Variants in EFNA5 observed in about 807,000 individuals in gnomAD.
The protein encoded by EFNA5 is ephrin A5, also known as ephrin-A5.
A neutral mutation model predicts 22.9 loss-of-function variants in EFNA5; 5 were observed. That is an observed-to-expected ratio of 0.22 (90% CI 0.11 to 0.46). The LOEUF (loss-of-function observed/expected upper bound fraction) is 0.46, where lower values mean the gene tolerates loss of function less well. Ranked by LOEUF, EFNA5 falls within the 20% of genes least tolerant of loss-of-function variation. The pLI is 0.99. For synonymous variants in EFNA5, 113 were observed against 112.2 expected, an observed-to-expected ratio of 1.01 and a Z score of -0.04; for missense variants, 237 against 293.3, an observed-to-expected ratio of 0.81 and a Z score of 1.40.
At chr5:107,396,107 T>C (rs1216822761) in intron 2 of EFNA5, among the ~76,000 whole-genome samples, 1 of 152,226 alleles carries the variant, frequency 6.6e-6, no homozygotes, top group Non-Finnish European at 1.5e-5. Context: ...ATCAAGTTAA[T>C]ACAATTCAAA....
chr5:107,513,024 C>T (rs892991881), intron 1 of EFNA5, among the ~76,000 whole-genome samples: 5 of 152,144 alleles, frequency 3.3e-5, no homozygotes, highest in Admixed American at 1.3e-4. Context: ...TGGGTACTTA[C>T]GTACCCAGTG....
chr5:107,598,474 G>A (rs993675958), intron 1 of EFNA5, among the ~76,000 whole-genome samples: 3 of 143,340 alleles, frequency 2.1e-5, no homozygotes, highest in African/African-American at 3.0e-5. Flanking sequence ...AAGGTTCATA[G>A]TGGACCACAG....
intron 1 of EFNA5, among the ~76,000 whole-genome samples, chr5:107,529,318 T>A (rs1159675959): frequency 1.3e-5 from 2 of 152,244 alleles, no homozygotes; most frequent in Admixed American, 1.3e-4. Flanking sequence ...AAGTCCCCCC[T>A]ACCCAAGGTT....
At chr5:107,452,979 A>T (rs1385561010) in intron 1 of EFNA5, among the ~76,000 whole-genome samples, 1 of 152,178 alleles carries the variant, frequency 6.6e-6, no homozygotes, top group East Asian at 1.9e-4. Context: ...TCTTCTTTTT[A>T]AAAAAGCTTA....
chr5:107,663,657 T>C (rs1276072608), intron 1 of EFNA5, among the ~76,000 whole-genome samples: 1 of 152,102 alleles, frequency 6.6e-6, no homozygotes, highest in Non-Finnish European at 1.5e-5. Context: ...TACTTGACTT[T>C]TTAAAAGTAA....
intron 1 of EFNA5, among the ~76,000 whole-genome samples, chr5:107,569,581 A>ATGTGTG (rs1561436010): frequency 5.8e-4 from 15 of 25,820 alleles, no homozygotes; most frequent in African/African-American, 1.3e-3. Flanking sequence ...ATATATATAT[A>ATGTGTG]TATATATATA....
rs564225830 is a variant in EFNA5, at chr5:107,533,175, C to T, written c.126-105666G>A. Reference sequence around the variant, plus strand: ...ATGTCCATTACCCAAATGGACAGCACTTTCTATTGATCAGGGCTCCACTTA... The same window carrying T: ...ATGTCCATTACCCAAATGGACAGCATTTTCTATTGATCAGGGCTCCACTTA... On this transcript the variant is annotated intron_variant, in intron 1 of 4. Transcript: ENST00000333274. 2.0e-5 allele frequency among the ~76,000 whole-genome samples: 3 copies of T among 152,202 alleles called. No homozygotes were observed. The South Asian group carries it at 6.2e-4, about 32-fold the overall frequency.
chr5:107,527,593 C>CT (rs112256619), intron 1 of EFNA5, among the ~76,000 whole-genome samples: 6,750 of 152,142 alleles, frequency 0.044, 470 homozygotes, highest in African/African-American at 0.15. Context: ...CCTAAAACAA[C>CT]GTTTAAGGTT....
At chr5:107,530,091 A>G (rs982549615) in intron 1 of EFNA5, among the ~76,000 whole-genome samples, 22 of 152,218 alleles carry the variant, frequency 1.4e-4, no homozygotes, top group African/African-American at 4.6e-4. Flanking sequence ...AGGATAGGCT[A>G]GATTATGAAG....
intron 1 of EFNA5, among the ~76,000 whole-genome samples, chr5:107,492,843 A>C (rs1746849173): frequency 6.6e-6 from 1 of 152,154 alleles, no homozygotes; most frequent in African/African-American, 2.4e-5. Flanking sequence ...TACTAAAAAT[A>C]CAAAAATTAG....
rs556396591 is a variant in EFNA5 at position 107,466,140 on chromosome 5, C to T, written c.126-38631G>A. Among the ~76,000 whole-genome samples, 39 of 152,216 alleles carry T rather than the reference C, an allele frequency of 2.6e-4. 1 individual carries two copies. The highest frequency in any genetic ancestry group is 1.0e-3 in the Admixed American group (16 of 15,276). On this transcript the variant is annotated intron_variant, in intron 1 of 4. Transcript: ENST00000333274. ...ACACCTTGATTCCAAAGACGGTGCT[C>T]GAGTTATTTAGAGATGCAGCCCTTT... is the stretch of plus-strand genomic sequence containing the variant.
At chr5:107,563,697 T>A (rs1015173215) in intron 1 of EFNA5, among the ~76,000 whole-genome samples, 3 of 152,122 alleles carry the variant, frequency 2.0e-5, no homozygotes, top group Admixed American at 2.0e-4. Context: ...CACCTCAGCC[T>A]CCCAAAGTGC....
At chr5:107,599,319 C>A (rs567060396) in intron 1 of EFNA5, among the ~76,000 whole-genome samples, 284 of 152,272 alleles carry the variant, frequency 1.9e-3, no homozygotes, top group African/African-American at 6.6e-3. Context: ...CAGGTATGGA[C>A]ATATTTCCAA....
At chr5:107,663,420 G>A (rs1164618716) in intron 1 of EFNA5, among the ~76,000 whole-genome samples, 2 of 152,046 alleles carry the variant, frequency 1.3e-5, no homozygotes, top group African/African-American at 4.8e-5. Context: ...TAATCAATGT[G>A]TACTAACAAC....
chr5:107,667,691 AATT>A (rs1284819911), intron 1 of EFNA5, among the ~76,000 whole-genome samples: 2 of 152,214 alleles, frequency 1.3e-5, no homozygotes, highest in East Asian at 3.8e-4. Context: ...AAATAAAAAA[AATT>A]ATTTAAGTTG....
intron 1 of EFNA5, among the ~76,000 whole-genome samples, chr5:107,510,215 A>C (rs1747340816): frequency 6.6e-6 from 1 of 152,228 alleles, no homozygotes; most frequent in Admixed American, 6.5e-5. Context: ...TGCTAATTAC[A>C]ACACATTAGC....
intron 1 of EFNA5, among the ~76,000 whole-genome samples, chr5:107,562,133 C>G (rs1748560176): frequency 6.6e-6 from 1 of 152,176 alleles, no homozygotes; most frequent in African/African-American, 2.4e-5. Context: ...CTAGGAGTTT[C>G]TTTGAGCTCA....
intron 2 of EFNA5, among the ~76,000 whole-genome samples, chr5:107,388,189 C>T (rs946263113): frequency 2.6e-5 from 4 of 152,118 alleles, no homozygotes; most frequent in African/African-American, 7.2e-5. Flanking sequence ...GTGAAAGTGC[C>T]GGCAAAAACC....
chr5:107,552,934 G>A (rs752341090), intron 1 of EFNA5, among the ~76,000 whole-genome samples: 12 of 152,120 alleles, frequency 7.9e-5, no homozygotes, highest in Non-Finnish European at 1.3e-4. Context: ...TACCTGTGAG[G>A]GTTAGTTTTA....
Sources: gnomAD v4.1 joint callset for allele counts (sites outside exome capture counted in the v4.1 genomes callset) on GRCh38, gnomAD v4.1.1 for gene constraint, MANE v1.5 for transcripts, NCBI Gene and HGNC (gene_info 2026-07-23, HGNC 2026-07-21) for gene names.